Variants in NOTCH1 observed in about 807,000 individuals in gnomAD.
NOTCH1 encodes the protein neurogenic locus notch homolog protein 1.
NOTCH1 carries 37 observed loss-of-function variants against 254.8 expected under a neutral mutation model. The observed-to-expected ratio is 0.15, with a 90% CI of 0.11 to 0.19. The LOEUF is 0.19. Among genes scored for constraint, NOTCH1 ranks in the 10% least tolerant of loss-of-function variants. The probability of loss-of-function intolerance (pLI) is 1.00; values close to 1 mark genes in which losing one functional copy is unlikely to be tolerated. For missense variants in NOTCH1, 2,972 were observed against 3,708.6 expected (o/e 0.80, Z 5.16); for synonymous variants, 1,731 against 1,618.1 (o/e 1.07, Z -1.68).
chr9:136,517,496 C>T (rs912804556), intron 8 of NOTCH1, 111 bp from the exon 9 acceptor site: 51 of 879,592 alleles, frequency 5.8e-5, no homozygotes, highest in Middle Eastern at 2.4e-4. Flanking sequence ...GTGTCCCAGC[C>T]ACCACGGGCC....
rs758109546 is a variant in NOTCH1 at position 136,500,547 on chromosome 9, C to T, written c.5934+5G>A. ...CAGGTGGGCACACAGGCAGCCACTG[C>T]CTACCTGGAAGACACCTTGTGCGTC... On this transcript the variant is annotated splice_donor_5th_base_variant and intron_variant, in intron 31 of 33. Coordinates refer to ENST00000651671, the MANE Select transcript of NOTCH1 (RefSeq NM_017617.5). The T allele has an allele frequency of 6.2e-7, 1 of 1,610,084 alleles. No individual in the cohort carries two copies. The highest frequency in any genetic ancestry group is 1.7e-5 in the Admixed American group (1 of 60,022).
At chr9:136,498,286 T>C (rs1230480173) in intron 33 of NOTCH1, among the ~76,000 whole-genome samples, 2 of 151,006 alleles carry the variant, frequency 1.3e-5, no homozygotes, top group Non-Finnish European at 3.0e-5. Flanking sequence ...TGTCTGCACC[T>C]GTGCCCTGAG....
intron 2 of NOTCH1, among the ~76,000 whole-genome samples, chr9:136,525,487 C>CG (rs1225935249): frequency 1.3e-5 from 2 of 152,378 alleles, no homozygotes; most frequent in Middle Eastern, 3.4e-3. Context: ...CCCAGCGGCC[C>CG]GGGAAGGCAG....
intron 29 of NOTCH1, 40 bp from the exon 30 acceptor site, chr9:136,501,953 G>A (rs774350192): frequency 3.7e-5 from 59 of 1,611,526 alleles, no homozygotes; most frequent in Middle Eastern, 3.3e-4. Flanking sequence ...AGGGCAGCCC[G>A]GCAGCAGGTG....
In NOTCH1 at chr9:136,543,232, G is replaced by A. The variant is rs59368187; in HGVS notation, c.140+792C>T. On this transcript the variant is annotated intron_variant, in intron 2 of 33. Transcript: ENST00000651671. ...TCCTTTGAAGAGGCATCACCCACCC[G>A]GAGGTGGCATCACCTGCCCAGGAAG... 1,028 of 176,430 alleles carry A rather than the reference G, an allele frequency of 5.8e-3. 11 individuals carry two copies. The highest frequency in any genetic ancestry group is 0.024 in the African/African-American group (982 of 41,480). The allele number at this position is 176,430 out of a possible 1,614,324, so 10.9% of individuals were successfully genotyped here. A position where few individuals can be genotyped will look rare whatever the true frequency, so the allele number is the denominator to read the frequency against.
rs375027061 is a variant in NOTCH1 at position 136,498,965 on chromosome 9, C to T, written c.6114G>A (p.Val2038=). 6.2e-7 allele frequency: 1 copy of T among 1,613,616 alleles called. No individual in the cohort carries two copies. The highest frequency in any genetic ancestry group is 8.5e-7 in the Non-Finnish European group (1 of 1,180,016). Residue 2038 remains valine (V), a synonymous_variant, in exon 33 of 34, where the codon GTG becomes GTA. Transcript: ENST00000651671. ...GCACAACTGCGGCATCCACATTGTT[C>T]ACGGCGGCGGCCCAGTGCAGGGCGG... is the stretch of plus-strand genomic sequence containing the variant. ...GKSALHWAAA[V]NNVDAAVVLL...
rs2133333563 is a variant in NOTCH1 at position 136,503,285 on chromosome 9, G to A, written c.5064C>T (p.Ala1688=). Reference sequence around the variant, plus strand: ...TGGCACTCTGGAAGCACTGCGAGGAGGCCTGCACACACTGCCGGTTGTCAA... The same window carrying A: ...TGGCACTCTGGAAGCACTGCGAGGAAGCCTGCACACACTGCCGGTTGTCAA... The part of the protein sequence containing the change: ...LEIDNRQCVQ[A]SSQCFQSATD... Residue 1688 remains alanine, a synonymous_variant, in exon 27 of 34, where the codon GCC becomes GCT. Transcript: ENST00000651671. 3 of 1,613,058 alleles carry A rather than the reference G, an allele frequency of 1.9e-6. No individual in the cohort carries two copies. Among genetic ancestry groups the A allele is most frequent in the African/African-American group, 1.3e-5 (1 of 75,058 alleles).
At chr9:136,537,918 C>T (rs1480245100) in intron 2 of NOTCH1, among the ~76,000 whole-genome samples, 1 of 152,160 alleles carries the variant, frequency 6.6e-6, no homozygotes, top group Non-Finnish European at 1.5e-5. Context: ...TATGGTGAAA[C>T]CCTGCCCCTA....
intron 3 of NOTCH1, 133 bp from the exon 4 acceptor site, chr9:136,523,321 C>G (rs1231576158): frequency 6.3e-6 from 6 of 954,138 alleles, no homozygotes; most frequent in African/African-American, 1.6e-5. Flanking sequence ...TCCTCAGGAC[C>G]TGCCGTGAGA....
In NOTCH1 at chr9:136,504,929, T is replaced by C. The variant is rs1843055518; in HGVS notation, c.4762A>G (p.Ser1588Gly). Residue 1588 changes from serine to glycine, a missense_variant, in exon 26 of 34, where the codon AGC becomes GGC. By Grantham distance (56) the Ser-to-Gly change is moderately conservative. Around this residue, in one of 8 missense-constraint regions of NOTCH1, gnomAD observed 1,343 missense variants for 1,557.0 expected, o/e 0.86. Coordinates refer to ENST00000651671, the MANE Select transcript of NOTCH1 (RefSeq NM_017617.5). ...AGCTCCCGCAGGAAGTGGAAGGAGC[T>C]GTTGCGCAGCTGCTCCGGCGGCATC... is the stretch of plus-strand genomic sequence containing the variant. Reference protein sequence around the residue: ...VLMPPEQLRNSSFHFLRELSR... With the variant: ...VLMPPEQLRNGSFHFLRELSR... 2 of 1,588,416 alleles carry C rather than the reference T, an allele frequency of 1.3e-6. No homozygotes were observed. The highest frequency in any genetic ancestry group is 1.3e-5 in the African/African-American group (1 of 74,636).
intron 9 of NOTCH1, 42 bp downstream of exon 9, chr9:136,517,230 G>A (rs757781164): frequency 7.3e-5 from 96 of 1,317,618 alleles, no homozygotes; most frequent in Admixed American, 1.7e-4. Context: ...AGGAGGCCAG[G>A]GTGCAGACGA....
rs1843216725 is a variant in NOTCH1 at position 136,513,561 on chromosome 9, G to C, written c.2208-24C>G. On this transcript the variant is annotated intron_variant, in intron 13 of 33. Transcript: ENST00000651671. This position sits in a 1 kb window ranked among gnomAD's most constrained non-coding sequence, Gnocchi z 4.7. ...ACCTGCAAGGGGGACCACACTGCAG[G>C]TCGAGGGAGGCCCGAGCAGCACGGC... 2 of 1,612,536 alleles carry C rather than the reference G, an allele frequency of 1.2e-6. No individual in the cohort carries two copies. The highest frequency in any genetic ancestry group is 8.5e-7 in the Non-Finnish European group (1 of 1,179,880).
intron 2 of NOTCH1, among the ~76,000 whole-genome samples, chr9:136,542,504 C>G (rs1843745772): frequency 6.7e-6 from 1 of 149,518 alleles, no homozygotes. Context: ...CATCAAGCGT[C>G]CGTGCGGCTT....
Position 136,519,462 on chromosome 9 carries a change from G to A in NOTCH1, c.846C>T (p.Arg282=), listed in dbSNP as rs2133372678. 1 of 1,612,918 alleles carries A rather than the reference G, an allele frequency of 6.2e-7. No homozygotes were observed. The highest frequency in any genetic ancestry group is 1.1e-5 in the South Asian group (1 of 91,090). Residue 282 remains arginine, a synonymous_variant, in exon 5 of 34, where the codon CGC becomes CGT. Transcript: ENST00000651671. ...CVDGVNTYNC[R]CPPEWTGQYC... ...ACGCGCCTGTCCACTCTGGCGGGCA[G>A]CGGCAGTTGTAGGTGTTCACGCCGT...
intron 2 of NOTCH1, among the ~76,000 whole-genome samples, chr9:136,531,432 C>A (rs1449445473): frequency 6.6e-6 from 1 of 152,204 alleles, no homozygotes; most frequent in Non-Finnish European, 1.5e-5. Context: ...AGGAGGAAGG[C>A]GCGTGTCCCC....
intron 4 of NOTCH1, among the ~76,000 whole-genome samples, chr9:136,520,582 CAAG>C (rs1843351231): frequency 1.3e-5 from 2 of 152,094 alleles, no homozygotes; most frequent in African/African-American, 4.8e-5. Context: ...AAAAAAAATA[CAAG>C]AAGTAGCAAA....
At chr9:136,512,993 TC>T (rs759870185) in intron 15 of NOTCH1, 27 bp downstream of exon 15, 3 of 438,804 alleles carry the variant, frequency 6.8e-6, no homozygotes, top group African/African-American at 1.4e-4. Flanking sequence ...CCCCGCCCCC[TC>T]CAGCACAGGC....
intron 13 of NOTCH1, among the ~76,000 whole-genome samples, chr9:136,514,179 C>A (rs1170173092): frequency 6.6e-6 from 1 of 152,194 alleles, no homozygotes; most frequent in Non-Finnish European, 1.5e-5. Flanking sequence ...TAAATGGTCC[C>A]ATCCAGGCAG....
intron 2 of NOTCH1, among the ~76,000 whole-genome samples, chr9:136,528,530 G>GA (rs1375817352): frequency 1.2e-4 from 17 of 143,928 alleles, no homozygotes; most frequent in African/African-American, 3.1e-4. Flanking sequence ...CAGGGACAGT[G>GA]GAGGGACGGG....
Sources: gnomAD v4.1 joint callset for allele counts (sites outside exome capture counted in the v4.1 genomes callset) on GRCh38, gnomAD v4.1.1 for gene constraint, gnomAD v4.1.1 regional missense constraint, Gnocchi (gnomAD v3.1) non-coding constraint, MANE v1.5 for transcripts, NCBI Gene and HGNC (gene_info 2026-07-23, HGNC 2026-07-21) for gene names.